VPS8: variants seen among roughly 807,000 people sequenced by gnomAD.
VPS8 encodes the protein vacuolar protein sorting-associated protein 8 homolog.
VPS8 carries 129 observed loss-of-function variants against 216.4 expected under a neutral mutation model. That is an observed-to-expected ratio of 0.60 (90% confidence interval 0.52 to 0.69). VPS8 has a LOEUF of 0.69. VPS8 is among the 30% of genes least tolerant of loss of function. The pLI, the probability that VPS8 is intolerant of heterozygous loss-of-function variation, is 0.00. For synonymous variants in VPS8, 571 were observed against 565.4 expected (o/e 1.01, Z -0.14); for missense variants, 1,531 against 1,683.5 (o/e 0.91, Z 1.59).
chr3:184,862,706 C>T (rs1726595143), intron 15 of VPS8, among the ~76,000 whole-genome samples, 191 bp from the exon 16 acceptor site: 1 of 152,222 alleles, frequency 6.6e-6, no homozygotes, highest in South Asian at 2.1e-4. Flanking sequence ...TTTCAAAAGT[C>T]AGTAGTATAT....
intron 46 of VPS8, among the ~76,000 whole-genome samples, chr3:185,038,887 T>G (rs1040975742): frequency 3.9e-5 from 6 of 152,142 alleles, no homozygotes; most frequent in Non-Finnish European, 8.8e-5. Flanking sequence ...GACCGAAGAT[T>G]TTCAGTGCAC....
At chr3:184,992,653 A>G (rs1462077980) in intron 42 of VPS8, among the ~76,000 whole-genome samples, 2 of 152,160 alleles carry the variant, frequency 1.3e-5, no homozygotes, top group East Asian at 1.9e-4. Context: ...AGCTACTTTT[A>G]TCATAACTGT....
intron 13 of VPS8, 115 bp from the exon 14 acceptor site, chr3:184,855,596 T>C (rs1437604960): frequency 7.1e-6 from 6 of 848,830 alleles, no homozygotes; most frequent in Non-Finnish European, 1.1e-5. Context: ...TACTGAGAAA[T>C]TGGGGAAAGT....
chr3:185,026,404 G>C (rs1757353069), intron 46 of VPS8, among the ~76,000 whole-genome samples: 1 of 140,202 alleles, frequency 7.1e-6, no homozygotes, highest in Non-Finnish European at 1.5e-5. Flanking sequence ...AGGGATGGCT[G>C]TATTTCTTTT....
At chr3:184,878,068 G>A (rs544924981) in intron 21 of VPS8, among the ~76,000 whole-genome samples, 11 of 151,962 alleles carry the variant, frequency 7.2e-5, no homozygotes, top group Middle Eastern at 6.8e-3. Flanking sequence ...ATGCTGTAAT[G>A]TGAATCAAGC....
intron 45 of VPS8, among the ~76,000 whole-genome samples, chr3:185,003,374 T>C (rs1753705420): frequency 6.8e-6 from 1 of 146,706 alleles, no homozygotes; most frequent in African/African-American, 2.6e-5. Flanking sequence ...CATGCTGCCT[T>C]CAAGCATCTG....
chr3:184,875,705 G>A (rs1665662566), intron 21 of VPS8, among the ~76,000 whole-genome samples: 1 of 151,920 alleles, frequency 6.6e-6, no homozygotes. Flanking sequence ...AGCTGTCTCT[G>A]GCCAGGGATG....
chr3:185,015,538 A>T (rs1755668509), intron 45 of VPS8, among the ~76,000 whole-genome samples: 2 of 152,234 alleles, frequency 1.3e-5, no homozygotes, highest in African/African-American at 2.4e-5. Flanking sequence ...TTACCTGTTG[A>T]TCCAGAATAA....
chr3:184,886,768 A>G (rs1731352649), intron 22 of VPS8, among the ~76,000 whole-genome samples: 2 of 151,914 alleles, frequency 1.3e-5, no homozygotes, highest in African/African-American at 4.8e-5. Context: ...TTTAATAGAG[A>G]CGGGGTTTCA....
chr3:184,861,164 T>C (rs1368766588), intron 15 of VPS8, among the ~76,000 whole-genome samples: 3 of 152,226 alleles, frequency 2.0e-5, no homozygotes, highest in Admixed American at 2.0e-4. Flanking sequence ...TATCAAATTT[T>C]ATTTTTTCTC....
chr3:185,017,471 T>G (rs758788101), intron 45 of VPS8, among the ~76,000 whole-genome samples: 7 of 152,324 alleles, frequency 4.6e-5, no homozygotes, highest in South Asian at 2.1e-4. Context: ...CTTTCCCCAT[T>G]TCCACATACG....
intron 38 of VPS8, among the ~76,000 whole-genome samples, chr3:184,966,329 T>A (rs1747407414): frequency 1.3e-5 from 2 of 152,200 alleles, no homozygotes; most frequent in Admixed American, 1.3e-4. Context: ...AGTCCCACCT[T>A]CCAATATTGG....
At chr3:185,019,968 G>A (rs1756413414) in intron 45 of VPS8, among the ~76,000 whole-genome samples, 3 of 152,132 alleles carry the variant, frequency 2.0e-5, no homozygotes, top group Non-Finnish European at 2.9e-5. Context: ...AGAGCTTTTT[G>A]GATTTCAGAA....
At chr3:185,028,498 G>A (rs1273955834) in intron 46 of VPS8, among the ~76,000 whole-genome samples, 1 of 152,174 alleles carries the variant, frequency 6.6e-6, no homozygotes, top group East Asian at 1.9e-4. Context: ...TGTGAAGTTT[G>A]CTTTCTATCT....
intron 21 of VPS8, among the ~76,000 whole-genome samples, chr3:184,878,156 A>G (rs1005475788): frequency 4.0e-5 from 6 of 151,630 alleles, no homozygotes; most frequent in African/African-American, 1.5e-4. Context: ...TGTCCTCCAG[A>G]TTGGAGTGCA....
Position 184,940,256 on chromosome 3 carries a change from AC to A in VPS8, c.3035+14del. Reference sequence around the variant, plus strand: ...TTCTTGACCCAAGGTATGTTGACAAACTTTAGTCTTTCATTATATATATATA... The same window carrying A: ...TTCTTGACCCAAGGTATGTTGACAAATTTAGTCTTTCATTATATATATATA... On this transcript the variant is annotated intron_variant, in intron 36 of 47. Transcript: ENST00000625842. 1 of 1,302,940 alleles carries A rather than the reference AC, an allele frequency of 7.7e-7. No homozygotes were observed. 80.7% of individuals were successfully genotyped at this position (1,302,940 alleles called of 1,614,324 possible).
rs762789191 is a variant in VPS8, at chr3:184,849,163, T to C, written c.634T>C (p.Ser212Pro). ...ISALSINNDC[S>P]RLLCGFAKGQ... ...TGCCCTCAGTATCAACAATGATTGC[T>C]CAAGACTTCTTTGTGGCTTTGCTAA... The change falls in exon 9 of 48, where the codon TCA becomes CCA. Residue 212 changes from serine to proline, a missense_variant. Ser to Pro is a moderately conservative substitution (Grantham distance 74). Coordinates refer to ENST00000625842, the MANE Select transcript of VPS8 (RefSeq NM_001009921.3). The C allele has an allele frequency of 1.2e-6, 2 of 1,613,616 alleles. No individual in the cohort carries two copies. Among genetic ancestry groups the C allele is most frequent in the Non-Finnish European group, 1.7e-6 (2 of 1,179,582 alleles).
At position 184,870,794 on chromosome 3, in the gene VPS8, C is replaced by T. The variant is rs766381839; in HGVS notation, c.1723C>T (p.Gln575Ter). The change falls in exon 21 of 48, where the codon CAG becomes TAG. Residue 575 changes from glutamine (Q) to a stop codon, truncating the protein, a stop_gained. Transcript: ENST00000625842. LOFTEE classifies it high-confidence loss of function. Reference sequence around the variant, plus strand: ...CCAAGGAAAAATCCAAGTGATGGAGCAGCATTTTCAGGTACACATTGCATG... The same window carrying T: ...CCAAGGAAAAATCCAAGTGATGGAGTAGCATTTTCAGGTACACATTGCATG... The part of the protein sequence containing the change: ...PDQGKIQVME[Q>*]HFQDMVPVIV... 1.9e-6 allele frequency: 3 copies of T among 1,610,750 alleles called. No homozygotes were observed. The highest frequency in any genetic ancestry group is 1.3e-5 in the African/African-American group (1 of 74,834).
intron 35 of VPS8, among the ~76,000 whole-genome samples, chr3:184,938,023 G>A (rs369138255): frequency 8.5e-5 from 13 of 152,254 alleles, no homozygotes; most frequent in African/African-American, 3.1e-4. Flanking sequence ...AATGAACTTC[G>A]GATAGCAGTG....
Sources: gnomAD v4.1 joint callset for allele counts (sites outside exome capture counted in the v4.1 genomes callset) on GRCh38, gnomAD v4.1.1 for gene constraint, MANE v1.5 for transcripts, NCBI Gene and HGNC (gene_info 2026-07-23, HGNC 2026-07-21) for gene names.